Variants in GRID1 observed in about 807,000 individuals in gnomAD.
GRID1 encodes glutamate receptor ionotropic, delta-1.
Under a neutral mutation model 98.0 loss-of-function variants are expected in GRID1, and 28 were observed. That is an observed-to-expected ratio of 0.29 (90% CI 0.21 to 0.39). GRID1 has a LOEUF of 0.39. Ranked by LOEUF, GRID1 falls within the 10% of genes least tolerant of loss-of-function variation. The pLI, the probability that GRID1 is intolerant of heterozygous loss-of-function variation, is 1.00. For synonymous variants in GRID1, 553 were observed against 538.5 expected, an observed-to-expected ratio of 1.03 and a Z score of -0.37; for missense variants, 1,111 against 1,340.5, an observed-to-expected ratio of 0.83 and a Z score of 2.67.
chr10:85,862,528 C>G (rs185923728), intron 6 of GRID1, among the ~76,000 whole-genome samples: 85 of 152,228 alleles, frequency 5.6e-4, no homozygotes, highest in African/African-American at 1.9e-3. Flanking sequence ...AAATTTCCAA[C>G]ATCAGTTGCC....
chr10:85,656,440 T>C (rs899774228), intron 12 of GRID1, among the ~76,000 whole-genome samples: 1 of 152,216 alleles, frequency 6.6e-6, no homozygotes, highest in Non-Finnish European at 1.5e-5. Context: ...TGTCTGTAGA[T>C]GCATCTATAC....
At chr10:86,239,646 G>A (rs1487183890) in intron 2 of GRID1, among the ~76,000 whole-genome samples, 1 of 152,180 alleles carries the variant, frequency 6.6e-6, no homozygotes, top group African/African-American at 2.4e-5. Context: ...TAGTGAGTGA[G>A]TTCTCACAAA....
At chr10:86,218,197 C>T (rs188714188) in intron 2 of GRID1, among the ~76,000 whole-genome samples, 16 of 152,094 alleles carry the variant, frequency 1.1e-4, no homozygotes, top group East Asian at 5.8e-4. Context: ...AGTTCATGCA[C>T]GCACCAGCAA....
At chr10:85,615,962 C>G (rs1842782885) in intron 14 of GRID1, among the ~76,000 whole-genome samples, 1 of 152,206 alleles carries the variant, frequency 6.6e-6, no homozygotes, top group Non-Finnish European at 1.5e-5. Context: ...CTTGGAGCCT[C>G]TCAAATTTAG....
chr10:85,624,743 G>A (rs1438657717), intron 13 of GRID1, among the ~76,000 whole-genome samples: 1 of 152,172 alleles, frequency 6.6e-6, no homozygotes, highest in East Asian at 1.9e-4. Flanking sequence ...CCTTTGGAGA[G>A]TAATACAATA....
chr10:86,203,634 C>A (rs1289447182), intron 3 of GRID1, among the ~76,000 whole-genome samples: 1 of 151,484 alleles, frequency 6.6e-6, no homozygotes, highest in Non-Finnish European at 1.5e-5. Flanking sequence ...AGGTCCTGCA[C>A]AGAATCCAAT....
intron 3 of GRID1, among the ~76,000 whole-genome samples, chr10:86,147,471 T>C (rs964357954): frequency 6.6e-6 from 1 of 152,150 alleles, no homozygotes; most frequent in Non-Finnish European, 1.5e-5. Flanking sequence ...CAAAACAGCA[T>C]GGTGCTGGTA....
intron 2 of GRID1, among the ~76,000 whole-genome samples, chr10:86,333,328 C>A (rs1463958687): frequency 6.6e-6 from 1 of 152,218 alleles, no homozygotes; most frequent in Non-Finnish European, 1.5e-5. Context: ...AACTTTCCTG[C>A]CAGTCTATGC....
chr10:85,717,320 C>CA (rs112453811), intron 12 of GRID1, among the ~76,000 whole-genome samples: 4,824 of 131,976 alleles, frequency 0.037, 167 homozygotes, highest in East Asian at 0.16. Context: ...AAACTGGGAA[C>CA]AAAAAAAAAA....
chr10:86,353,951 C>T (rs976331889), intron 2 of GRID1, among the ~76,000 whole-genome samples: 1 of 152,306 alleles, frequency 6.6e-6, no homozygotes, highest in East Asian at 1.9e-4. Context: ...GAGGGGGGCT[C>T]GGCCCAGAGC....
chr10:86,005,186 A>G (rs1345072947), intron 4 of GRID1, among the ~76,000 whole-genome samples: 1 of 152,164 alleles, frequency 6.6e-6, no homozygotes, highest in African/African-American at 2.4e-5. Context: ...GATCACTGAA[A>G]GGAACAGTTC....
At chr10:86,073,542 T>C (rs1036222252) in intron 4 of GRID1, among the ~76,000 whole-genome samples, 13 of 152,204 alleles carry the variant, frequency 8.5e-5, no homozygotes, top group Non-Finnish European at 1.8e-4. Context: ...GATGATGTTT[T>C]CTTGCCTCCT....
At chr10:86,331,093 C>G (rs759975847) in intron 2 of GRID1, among the ~76,000 whole-genome samples, 11 of 152,254 alleles carry the variant, frequency 7.2e-5, no homozygotes, top group Non-Finnish European at 1.3e-4. Context: ...ATGGCACATG[C>G]AGGAGGCATC....
At chr10:85,644,789 G>A (rs1843164722) in intron 13 of GRID1, among the ~76,000 whole-genome samples, 1 of 152,206 alleles carries the variant, frequency 6.6e-6, no homozygotes, top group South Asian at 2.1e-4. Flanking sequence ...ACCCCCATCA[G>A]CAATTAACCA....
intron 4 of GRID1, among the ~76,000 whole-genome samples, chr10:86,056,592 T>C (rs1161719500): frequency 1.3e-5 from 2 of 152,160 alleles, no homozygotes; most frequent in South Asian, 2.1e-4. Flanking sequence ...ACAGTTAACA[T>C]AGCACAGACA....
rs533910525 is a variant in GRID1 at position 85,617,027 on chromosome 10, T to C, written c.2360+2840A>G. Reference sequence around the variant, plus strand: ...TGTCCTCTGCCAAAGCAAAGGAGCATATCTTTATTGAAGGAAATAGTTTAG... The same window carrying C: ...TGTCCTCTGCCAAAGCAAAGGAGCACATCTTTATTGAAGGAAATAGTTTAG... On this transcript the variant is annotated intron_variant, in intron 14 of 15. Transcript: ENST00000327946. Among the ~76,000 whole-genome samples the C allele has an allele frequency of 6.8e-4, 103 of 152,150 alleles. 1 individual carries two copies. Among genetic ancestry groups the C allele is most frequent in the African/African-American group, 2.4e-3 (100 of 41,514 alleles).
chr10:86,238,805 G>A (rs1310307935), intron 2 of GRID1, among the ~76,000 whole-genome samples: 2 of 152,196 alleles, frequency 1.3e-5, no homozygotes, highest in Non-Finnish European at 2.9e-5. Flanking sequence ...TGAGGCTTGG[G>A]AGCCTCCACC....
In GRID1 at chr10:86,043,455, A is replaced by G. The variant is rs368442850; in HGVS notation, c.726+95364T>C. Reference sequence around the variant, plus strand: ...CAAGGCAGTCCTCCCCTGGGAGTGCATCCTGCAGGCCTGAGCCTGCAGCTC... The same window carrying G: ...CAAGGCAGTCCTCCCCTGGGAGTGCGTCCTGCAGGCCTGAGCCTGCAGCTC... On this transcript the variant is annotated intron_variant, in intron 4 of 15. Coordinates refer to ENST00000327946, the MANE Select transcript of GRID1 (RefSeq NM_017551.3). Among the ~76,000 whole-genome samples, 503 of 152,342 alleles carry G rather than the reference A, an allele frequency of 3.3e-3. 8 individuals are homozygous for G. Among genetic ancestry groups the G allele is most frequent in the African/African-American group, 0.012 (487 of 41,582 alleles).
At chr10:85,697,610 A>G (rs1347669731) in intron 12 of GRID1, among the ~76,000 whole-genome samples, 3 of 152,176 alleles carry the variant, frequency 2.0e-5, no homozygotes, top group South Asian at 2.1e-4. Context: ...TTCCTTTATT[A>G]TAACATGTAG....
Sources: allele counts gnomAD v4.1 joint callset (sites outside exome capture counted in the v4.1 genomes callset), GRCh38; gene constraint gnomAD v4.1.1; transcripts MANE v1.5; gene names NCBI Gene and HGNC (gene_info 2026-07-23, HGNC 2026-07-21).